NPHP4: variants seen among roughly 807,000 people sequenced by gnomAD.
NPHP4 encodes nephrocystin-4.
NPHP4 carries 151 observed loss-of-function variants against 155.8 expected under a neutral mutation model. The ratio of observed to expected loss-of-function variants is 0.97; its 90% CI spans 0.85 to 1.11. NPHP4 has a LOEUF of 1.11. Ranked by LOEUF, NPHP4 falls within the 50% of genes least tolerant of loss-of-function variation. The pLI, the probability that NPHP4 is intolerant of heterozygous loss-of-function variation, is 0.00. For synonymous variants in NPHP4, 845 were observed against 816.8 expected (o/e 1.03, Z -0.59); for missense variants, 1,956 against 1,925.7 (o/e 1.02, Z -0.29).
At chr1:5,960,032 G>A (rs1056770714) in intron 6 of NPHP4, among the ~76,000 whole-genome samples, 2 of 152,248 alleles carry the variant, frequency 1.3e-5, no homozygotes, top group African/African-American at 4.8e-5. Flanking sequence ...ACAGGGGCCA[G>A]AAGGACAAGC....
At position 5,890,490 on chromosome 1, in the gene NPHP4, C is replaced by G. The variant is rs1409866372; in HGVS notation, c.2304+378G>C. 2.0e-5 allele frequency among the ~76,000 whole-genome samples: 3 copies of G among 152,168 alleles called. No individual in the cohort carries two copies. Among genetic ancestry groups the G allele is most frequent in the African/African-American group, 7.2e-5 (3 of 41,444 alleles). On this transcript the variant is annotated intron_variant, in intron 17 of 29. Transcript: ENST00000378156. The surrounding 1 kb of genome is among the most constrained non-coding windows in gnomAD (Gnocchi z 4.9). Reference sequence around the variant, plus strand: ...TGACCTTAGGAATCAGGTCACACTGCACACCCCAGTCATTCGCGTATCCAT... The same window carrying G: ...TGACCTTAGGAATCAGGTCACACTGGACACCCCAGTCATTCGCGTATCCAT...
intron 9 of NPHP4, among the ~76,000 whole-genome samples, chr1:5,938,341 G>A (rs1009590479): frequency 9.9e-5 from 15 of 152,228 alleles, no homozygotes; most frequent in Non-Finnish European, 4.4e-5. Context: ...CCAGGCTGGC[G>A]TTGGTGCCTC....
intron 11 of NPHP4, among the ~76,000 whole-genome samples, chr1:5,923,602 C>T (rs1176261267): frequency 1.3e-5 from 2 of 152,208 alleles, no homozygotes; most frequent in African/African-American, 4.8e-5. Flanking sequence ...GCAGACATAG[C>T]GCTGTTCCCT....
chr1:5,949,959 G>A (rs1647644663), intron 7 of NPHP4, among the ~76,000 whole-genome samples: 1 of 152,128 alleles, frequency 6.6e-6, no homozygotes, highest in South Asian at 2.1e-4. Context: ...CAGTCCAAGG[G>A]CAATGAGAAG....
chr1:5,977,793 C>T (rs1653909372), intron 3 of NPHP4, among the ~76,000 whole-genome samples: 1 of 121,288 alleles, frequency 8.2e-6, no homozygotes, highest in South Asian at 2.8e-4. Context: ...CTGATACCTG[C>T]TACCTGGGCA....
Position 5,924,270 on chromosome 1 carries a change from G to A in NPHP4, c.1441+3379C>T, listed in dbSNP as rs111565250. 4.1e-3 allele frequency among the ~76,000 whole-genome samples: 628 copies of A among 152,214 alleles called. 5 individuals are homozygous for A. The highest frequency in any genetic ancestry group is 0.014 in the African/African-American group (588 of 41,532). On this transcript the variant is annotated intron_variant, in intron 11 of 29. Coordinates refer to ENST00000378156, the MANE Select transcript of NPHP4 (RefSeq NM_015102.5). ...CAATTTCTGGCAGCCTGATAAACACGTAACTGGGGCCTCTGAATGAGAGGA... is the reference window on the plus strand; with the variant it reads ...CAATTTCTGGCAGCCTGATAAACACATAACTGGGGCCTCTGAATGAGAGGA...
At chr1:5,988,665 G>C (rs1322525130) in intron 1 of NPHP4, among the ~76,000 whole-genome samples, 1 of 152,234 alleles carries the variant, frequency 6.6e-6, no homozygotes, top group African/African-American at 2.4e-5. Context: ...TTTGAGAAGG[G>C]TTGTGCTAAT....
rs1644066421 is a variant in NPHP4 at position 5,890,529 on chromosome 1, A to G, written c.2304+339T>C. 6.6e-6 allele frequency among the ~76,000 whole-genome samples: 1 copy of G among 152,100 alleles called. No individual in the cohort carries two copies. The highest frequency in any genetic ancestry group is 2.4e-5 in the African/African-American group (1 of 41,426). On this transcript the variant is annotated intron_variant, in intron 17 of 29. Coordinates refer to ENST00000378156, the MANE Select transcript of NPHP4 (RefSeq NM_015102.5). This position sits in a 1 kb window ranked among gnomAD's most constrained non-coding sequence, Gnocchi z 4.9. ...TCGCGTATCCATTCATTCATCCTCA[A>G]CCCACCTCGGATGCACCTGCCCTCA...
At chr1:5,871,797 G>A (rs1193813404) in intron 23 of NPHP4, among the ~76,000 whole-genome samples, 1 of 152,212 alleles carries the variant, frequency 6.6e-6, no homozygotes, top group African/African-American at 2.4e-5. Flanking sequence ...CGCACCAGTG[G>A]TAGAAAGGCC....
Position 5,905,816 on chromosome 1 carries a change from C to A in NPHP4, c.1612-33G>T, listed in dbSNP as rs199597301. The A allele has an allele frequency of 1.6e-4, 249 of 1,573,956 alleles. No individual in the cohort carries two copies. In the African/African-American group the frequency reaches 3.1e-3, roughly 20 times the overall value. On this transcript the variant is annotated intron_variant, in intron 13 of 29. Transcript: ENST00000378156. This position sits in a 1 kb window ranked among gnomAD's most constrained non-coding sequence, Gnocchi z 4.0. ...AAACGAGGGCTTCCAAGTGAGGCCA[C>A]CAAGGACCCCAACCCGTAACAACCA...
At chr1:5,925,462 AC>A (rs1302974151) in intron 11 of NPHP4, among the ~76,000 whole-genome samples, 12 of 152,212 alleles carry the variant, frequency 7.9e-5, no homozygotes, top group African/African-American at 2.9e-4. Context: ...TACAAAATAT[AC>A]CCAATTTATA....
rs773208084 is a variant in NPHP4, at chr1:5,904,687, G to C, written c.2073C>G (p.Ala691=). The change falls in exon 16 of 30, where the codon GCC becomes GCG. Residue 691 remains alanine (A), a synonymous_variant. Coordinates refer to ENST00000378156, the MANE Select transcript of NPHP4 (RefSeq NM_015102.5). ...PRLQLVQLDE[A]GQPSSGALTH... is the part of the protein sequence containing the mutation. ...TCAGGGCGCCAGAGCTGGGCTGGCC[G>C]GCCTCATCCAGCTGGACCAGCTGCA... is the stretch of plus-strand genomic sequence containing the variant. 1.2e-6 allele frequency: 2 copies of C among 1,614,014 alleles called. No homozygotes were observed. The highest frequency in any genetic ancestry group is 4.5e-5 in the East Asian group (2 of 44,890).
At position 5,905,522 on chromosome 1, in the gene NPHP4, G is replaced by C. The variant is rs1453204770; in HGVS notation, c.1764-39C>G. ...ACTCCTCAGGTAGCCTCCCGGGAAA[G>C]GGGGGACCCATTGATGCACCTCCCT... On this transcript the variant is annotated intron_variant, in intron 14 of 29. Transcript: ENST00000378156. The surrounding 1 kb of genome is among the most constrained non-coding windows in gnomAD (Gnocchi z 4.0). 1 of 1,596,876 alleles carries C rather than the reference G, an allele frequency of 6.3e-7. No individual in the cohort carries two copies. Among genetic ancestry groups the C allele is most frequent in the Non-Finnish European group, 8.6e-7 (1 of 1,167,288 alleles).
chr1:5,986,813 G>A (rs1489472088), intron 1 of NPHP4, among the ~76,000 whole-genome samples: 5 of 152,164 alleles, frequency 3.3e-5, no homozygotes, highest in African/African-American at 7.2e-5. Context: ...GGCTGGTTCC[G>A]GATGGGGACA....
rs775564412 is a variant in NPHP4 at position 5,986,213 on chromosome 1, T to C, written c.77A>G (p.Lys26Arg). The change falls in exon 2 of 30, where the codon AAG (lysine) becomes AGG (arginine). Residue 26 changes from lysine (K) to arginine (R), a missense_variant. Coordinates refer to ENST00000378156, the MANE Select transcript of NPHP4 (RefSeq NM_015102.5). ...PHPQRARQPW[K>R]ESTAFQCVLK... Reference sequence around the variant, plus strand: ...GACACACTGGAATGCCGTGGATTCCTTCCAAGGCTGGCGCGCTCTCTGTGG... The same window carrying C: ...GACACACTGGAATGCCGTGGATTCCCTCCAAGGCTGGCGCGCTCTCTGTGG... 1.2e-6 allele frequency: 2 copies of C among 1,613,836 alleles called. No individual in the cohort carries two copies. The highest frequency in any genetic ancestry group is 2.7e-5 in the African/African-American group (2 of 75,042).
At position 5,992,240 on chromosome 1, in the gene NPHP4, T is replaced by G. The variant is rs1656505026; in HGVS notation, c.-39+4A>C. 6.6e-6 allele frequency: 1 copy of G among 151,880 alleles called. No individual in the cohort carries two copies. Among genetic ancestry groups the G allele is most frequent in the Non-Finnish European group, 1.5e-5 (1 of 67,966 alleles). The allele number at this position is 151,880 out of a possible 1,614,324, so 9.4% of individuals were successfully genotyped here. A position where few individuals can be genotyped will look rare whatever the true frequency, so the allele number is the denominator to read the frequency against. On this transcript the variant is annotated splice_donor_region_variant and intron_variant, in intron 1 of 29. Coordinates refer to ENST00000378156, the MANE Select transcript of NPHP4 (RefSeq NM_015102.5). ...ATGGTTCCGCCCGCCGCGGGCCGCG[T>G]TACCTAGGAGACCGACCCGCCGCGG...
intron 9 of NPHP4, among the ~76,000 whole-genome samples, chr1:5,946,065 C>T (rs904538570): frequency 5.9e-5 from 9 of 152,144 alleles, no homozygotes; most frequent in South Asian, 2.1e-4. Flanking sequence ...AATATCTTAC[C>T]GTACCTAATT....
chr1:5,868,422 A>G (rs1641498229), intron 23 of NPHP4: 1 of 254,264 alleles, frequency 3.9e-6, no homozygotes, highest in Non-Finnish European at 7.8e-6. Flanking sequence ...GCTACTCATT[A>G]AAAACCATAT....
At chr1:5,956,838 G>A (rs1277082333) in intron 6 of NPHP4, among the ~76,000 whole-genome samples, 1 of 152,144 alleles carries the variant, frequency 6.6e-6, no homozygotes, top group Non-Finnish European at 1.5e-5. Context: ...ACATCTTTAT[G>A]AGCAGGCCCT....
Sources: allele counts gnomAD v4.1 joint callset (sites outside exome capture counted in the v4.1 genomes callset), GRCh38; gene constraint gnomAD v4.1.1; non-coding constraint Gnocchi (gnomAD v3.1); transcripts MANE v1.5; gene names NCBI Gene and HGNC (gene_info 2026-07-23, HGNC 2026-07-21).